The following INHBA variants were observed in gnomAD, a reference collection of about 807,000 sequenced individuals.
INHBA encodes inhibin subunit beta A, also known as inhibin beta A chain.
Under a neutral mutation model 29.0 loss-of-function variants are expected in INHBA, and 1 was observed. The observed-to-expected ratio is 0.03, with a 90% CI of 0.01 to 0.16. The LOEUF is 0.16. Ranked by LOEUF, INHBA falls within the 10% of genes least tolerant of loss-of-function variation. The pLI is 1.00. For missense variants in INHBA, 376 were observed against 545.4 expected (o/e 0.69, Z 3.09); for synonymous variants, 242 against 216.8 (o/e 1.12, Z -1.02).
Position 41,689,111 on chromosome 7 carries a change from T to A in INHBA, c.*539A>T. The A allele has an allele frequency of 4.4e-6, 1 of 227,704 alleles. No individual in the cohort carries two copies. Among genetic ancestry groups the A allele is most frequent in the East Asian group, 6.7e-5 (1 of 14,872 alleles). 14.1% of individuals were successfully genotyped at this position (227,704 alleles called of 1,614,324 possible). On this transcript the variant is annotated 3_prime_UTR_variant, in exon 3 of 3. Transcript: ENST00000242208. ...TAATGTGTGGAAATGCCTGTGTGTG[T>A]GTGTGTGTGTGTGTGTGTGTGTGTG...
chr7:41,704,668 G>T (rs539085756), upstream of INHBA, among the ~76,000 whole-genome samples: 1 of 150,886 alleles, frequency 6.6e-6, no homozygotes, highest in African/African-American at 2.4e-5. Context: ...AGGTGACGTG[G>T]GGTGGGGGTG....
In INHBA at chr7:41,690,325, A is replaced by T. The variant is rs2128669298; in HGVS notation, c.606T>A (p.Ser202Arg). The T allele has an allele frequency of 1.2e-6, 2 of 1,613,160 alleles. No individual in the cohort carries two copies. Among genetic ancestry groups the T allele is most frequent in the Non-Finnish European group, 1.7e-6 (2 of 1,179,808 alleles). The change falls in exon 3 of 3, where the codon AGT (serine) becomes AGA (arginine). Residue 202 changes from serine to arginine, a missense_variant. Transcript: ENST00000242208. ...CTACTTTTTCAGAGAGCAACAGTTC[A>T]CTCCTCTCCCCCTTTAAGCCCACTT... ...AEEVGLKGER[S>R]ELLLSEKVVD...
chr7:41,693,175 C>G (rs1794559927), intron 2 of INHBA, among the ~76,000 whole-genome samples: 1 of 152,190 alleles, frequency 6.6e-6, no homozygotes, highest in African/African-American at 2.4e-5. Flanking sequence ...CCAGAGGGCA[C>G]AAGGTTGGGT....
rs537531066 is a variant in INHBA at position 41,690,410 on chromosome 7, C to A, written c.521G>T (p.Arg174Leu). 1.2e-6 allele frequency: 2 copies of A among 1,614,060 alleles called. No individual in the cohort carries two copies. The highest frequency in any genetic ancestry group is 1.7e-6 in the Non-Finnish European group (2 of 1,180,032). Reference sequence around the variant, plus strand: ...CGGGTGCTTCTGCTGCTGGAAGAGGCGGATGGTGACTTTGGTCCTGGTCCT... The same window carrying A: ...CGGGTGCTTCTGCTGCTGGAAGAGGAGGATGGTGACTTTGGTCCTGGTCCT... Reference protein sequence around the residue: ...ANRTRTKVTIRLFQQQKHPQG... With the variant: ...ANRTRTKVTILLFQQQKHPQG... Residue 174 changes from arginine (R) to leucine (L), a missense_variant, in exon 3 of 3, where the codon CGC becomes CTC. Transcript: ENST00000242208.
chr7:41,702,732 T>G (rs1420204396), intron 1 of INHBA, among the ~76,000 whole-genome samples: 1 of 152,238 alleles, frequency 6.6e-6, no homozygotes, highest in African/African-American at 2.4e-5. Context: ...AGTATGTGTG[T>G]GTTCCCTGAA....
At position 41,689,592 on chromosome 7, in the gene INHBA, T is replaced by C; in HGVS notation, c.*58A>G. ...CTCAGAAACCTTAAAAATTTCTTCATTTTGCCACTGTCTTCTCTGGACAAC... is the reference window on the plus strand; with the variant it reads ...CTCAGAAACCTTAAAAATTTCTTCACTTTGCCACTGTCTTCTCTGGACAAC... On this transcript the variant is annotated 3_prime_UTR_variant, in exon 3 of 3. Transcript: ENST00000242208. The C allele has an allele frequency of 7.7e-7, 1 of 1,301,362 alleles. No homozygotes were observed. Among genetic ancestry groups the C allele is most frequent in the Non-Finnish European group, 1.0e-6 (1 of 1,004,998 alleles). The allele number at this position is 1,301,362 out of a possible 1,614,324, so 80.6% of individuals were successfully genotyped here.
chr7:41,689,102 CTGTGTGTGTGTGTGTGTGTG>C lies in INHBA; in HGVS notation c.*528_*547del, dbSNP rs56919042. The C allele has an allele frequency of 3.6e-4, 80 of 224,840 alleles. No homozygotes were observed. The highest frequency in any genetic ancestry group is 1.6e-4 in the Non-Finnish European group (18 of 114,700). The allele number at this position is 224,840 out of a possible 1,614,324, so 13.9% of individuals were successfully genotyped here. On this transcript the variant is annotated 3_prime_UTR_variant, in exon 3 of 3. Coordinates refer to ENST00000242208, the MANE Select transcript of INHBA (RefSeq NM_002192.4). ...GTATATATGTAATGTGTGGAAATGCCTGTGTGTGTGTGTGTGTGTGTGTGTGTGTGTGTGTATGCTGATAT... is the reference window on the plus strand; with the variant it reads ...GTATATATGTAATGTGTGGAAATGCCTGTGTGTGTGTGTGTATGCTGATAT...
At chr7:41,695,601 T>C (rs1438916632) in intron 2 of INHBA, among the ~76,000 whole-genome samples, 1 of 152,234 alleles carries the variant, frequency 6.6e-6, no homozygotes, top group Non-Finnish European at 1.5e-5. Context: ...ATTTCCCTCC[T>C]TAGGGTCCAT....
upstream of INHBA, among the ~76,000 whole-genome samples, chr7:41,703,559 GC>G (rs1441656575): frequency 6.6e-6 from 1 of 152,012 alleles, no homozygotes; most frequent in East Asian, 1.9e-4. Flanking sequence ...TTTAAAATAA[GC>G]TATTTCATTG....
chr7:41,701,087 A>T (rs1452687874), intron 1 of INHBA, among the ~76,000 whole-genome samples: 2 of 150,150 alleles, frequency 1.3e-5, no homozygotes, highest in Non-Finnish European at 3.0e-5. Context: ...TTTGTTCACT[A>T]TTTTTTTTTC....
rs1794372390 is a variant in INHBA, at chr7:41,685,160, A to C, written c.*4490T>G. The C allele has an allele frequency of 6.6e-6, 1 of 152,174 alleles. No homozygotes were observed. Among genetic ancestry groups the C allele is most frequent in the Admixed American group, 6.5e-5 (1 of 15,274 alleles). The allele number at this position is 152,174 out of a possible 1,614,324, so 9.4% of individuals were successfully genotyped here. A position where few individuals can be genotyped will look rare whatever the true frequency, so the allele number is the denominator to read the frequency against. On this transcript the variant is annotated 3_prime_UTR_variant, in exon 3 of 3. Coordinates refer to ENST00000242208, the MANE Select transcript of INHBA (RefSeq NM_002192.4). Reference sequence around the variant, plus strand: ...TATTTAACATAAGGCCAAAGAAGCTATCAGGCGTTGCTGAATACTGTCCAC... The same window carrying C: ...TATTTAACATAAGGCCAAAGAAGCTCTCAGGCGTTGCTGAATACTGTCCAC...
Position 41,690,177 on chromosome 7 carries a change from C to A in INHBA, c.754G>T (p.Ala252Ser), listed in dbSNP as rs1378762087. ...IACEQCQESG[A>S]SLVLLGKKKK... ...TTCTTGCCCAGGAGAACCAAGCTGG[C>A]GCCACTCTCCTGGCACTGCTCACAG... Residue 252 changes from alanine (A) to serine (S), a missense_variant, in exon 3 of 3, where the codon GCC (alanine) becomes TCC (serine). By Grantham distance (99) the Ala-to-Ser change is moderately conservative. Transcript: ENST00000242208. 6.2e-7 allele frequency: 1 copy of A among 1,613,722 alleles called. No individual in the cohort carries two copies. Among genetic ancestry groups the A allele is most frequent in the Non-Finnish European group, 8.5e-7 (1 of 1,180,000 alleles).
rs773119101 is a variant in INHBA, at chr7:41,690,259, G to A, written c.672C>T (p.Ser224=). 5.6e-6 allele frequency: 9 copies of A among 1,614,000 alleles called. No individual in the cohort carries two copies. The Admixed American group carries it at 1.0e-4, about 18-fold the overall frequency. ...RKSTWHVFPV[S]SSIQRLLDQG... is the part of the protein sequence containing the mutation. ...GGTCCAGCAACCGCTGGATGCTGCTGGAGACAGGGAAGACATGCCAGGTGC... is the reference window on the plus strand; with the variant it reads ...GGTCCAGCAACCGCTGGATGCTGCTAGAGACAGGGAAGACATGCCAGGTGC... Residue 224 remains serine (S), a synonymous_variant, in exon 3 of 3, where the codon TCC becomes TCT. Transcript: ENST00000242208.
chr7:41,695,142 A>G (rs1156916707), intron 2 of INHBA, among the ~76,000 whole-genome samples: 2 of 152,196 alleles, frequency 1.3e-5, no homozygotes, highest in African/African-American at 4.8e-5. Flanking sequence ...TAAGCAACAC[A>G]CACATGCAGT....
Position 41,690,313 on chromosome 7 carries a change from G to A in INHBA, c.618C>T (p.Leu206=). ...GLKGERSELL[L]SEKVVDARKS... ...TCCGAGCGTCTACTACTTTTTCAGA[G>A]AGCAACAGTTCACTCCTCTCCCCCT... The change falls in exon 3 of 3, where the codon CTC becomes CTT. Residue 206 remains leucine, a synonymous_variant. Transcript: ENST00000242208. The A allele has an allele frequency of 6.2e-7, 1 of 1,614,026 alleles. No individual in the cohort carries two copies. The highest frequency in any genetic ancestry group is 2.2e-5 in the East Asian group (1 of 44,838).
intron 2 of INHBA, among the ~76,000 whole-genome samples, chr7:41,698,232 T>C (rs940794743): frequency 6.6e-6 from 1 of 152,192 alleles, no homozygotes; most frequent in African/African-American, 2.4e-5. Context: ...TGATTTGCTA[T>C]ACAAGTCCAG....
intron 2 of INHBA, chr7:41,691,863 A>G (rs1794531044): frequency 1.3e-5 from 2 of 152,174 alleles, no homozygotes; most frequent in Non-Finnish European, 2.9e-5. Context: ...AAATTAAGAG[A>G]GCCACCTAGT....
At chr7:41,704,290 G>A (rs917215639), upstream of INHBA, among the ~76,000 whole-genome samples, 1 of 152,070 alleles carries the variant, frequency 6.6e-6, no homozygotes, top group African/African-American at 2.4e-5. Context: ...AAGTGTGGGT[G>A]CTGAGCTGCA....
Position 41,700,196 on chromosome 7 carries a change from T to G in INHBA, c.179A>C (p.Lys60Thr). 1 of 1,614,110 alleles carries G rather than the reference T, an allele frequency of 6.2e-7. No homozygotes were observed. The highest frequency in any genetic ancestry group is 8.5e-7 in the Non-Finnish European group (1 of 1,180,006). Residue 60 changes from lysine to threonine, a missense_variant, in exon 2 of 3, where the codon AAG becomes ACG. This residue lies in a region of INHBA where 71 missense variants were observed against 77.0 expected (regional missense o/e 0.92). Coordinates refer to ENST00000242208, the MANE Select transcript of INHBA (RefSeq NM_002192.4). ...SQPEMVEAVK[K>T]HILNMLHLKK... is the part of the protein sequence containing the mutation. ...CAAGTGCAGCATGTTTAAAATGTGCTTCTTGACGGCCTCCACCATCTCTGG... is the reference window on the plus strand; with the variant it reads ...CAAGTGCAGCATGTTTAAAATGTGCGTCTTGACGGCCTCCACCATCTCTGG...
Sources: allele counts gnomAD v4.1 joint callset (sites outside exome capture counted in the v4.1 genomes callset), GRCh38; gene constraint gnomAD v4.1.1; regional missense constraint gnomAD v4.1.1; transcripts MANE v1.5; gene names NCBI Gene and HGNC (gene_info 2026-07-23, HGNC 2026-07-21).